BMPR1B: variants seen among roughly 807,000 people sequenced by gnomAD.
BMPR1B encodes bone morphogenetic protein receptor type-1B.
BMPR1B carries 12 observed loss-of-function variants against 59.1 expected under a neutral mutation model. The observed-to-expected ratio is 0.20, with a 90% CI of 0.13 to 0.33. The LOEUF is 0.33. Ranked by LOEUF, BMPR1B falls within the 10% of genes least tolerant of loss-of-function variation. The pLI, the probability that BMPR1B is intolerant of heterozygous loss-of-function variation, is 1.00. For synonymous variants in BMPR1B, 237 were observed against 207.3 expected, an observed-to-expected ratio of 1.14 and a Z score of -1.23; for missense variants, 550 against 610.9, an observed-to-expected ratio of 0.90 and a Z score of 1.05.
chr4:95,043,181 CAAAAAAA>C (rs751904820), intron 3 of BMPR1B, among the ~76,000 whole-genome samples: 2 of 51,454 alleles, frequency 3.9e-5, no homozygotes, highest in African/African-American at 9.1e-5. Context: ...GACTCCGTCT[CAAAAAAA>C]AAAAAAAAAA....
intron 3 of BMPR1B, among the ~76,000 whole-genome samples, chr4:95,012,913 C>T (rs1432754781): frequency 6.6e-6 from 1 of 152,014 alleles, no homozygotes; most frequent in Non-Finnish European, 1.5e-5. Context: ...AATTCTCGCT[C>T]TCATAGAAAC....
At chr4:94,881,074 A>G (rs1726950133) in intron 2 of BMPR1B, among the ~76,000 whole-genome samples, 1 of 152,142 alleles carries the variant, frequency 6.6e-6, no homozygotes, top group Non-Finnish European at 1.5e-5. Context: ...AAAATGGACA[A>G]TTTTAACCAT....
chr4:94,788,743 CT>C (rs1722848556), intron 1 of BMPR1B, among the ~76,000 whole-genome samples: 1 of 152,166 alleles, frequency 6.6e-6, no homozygotes, highest in African/African-American at 2.4e-5. Context: ...TTAGATCTGC[CT>C]TTCATAAGAG....
chr4:95,050,657 T>C (rs1423287805), intron 3 of BMPR1B, among the ~76,000 whole-genome samples: 1 of 152,158 alleles, frequency 6.6e-6, no homozygotes, highest in African/African-American at 2.4e-5. Context: ...AGTAAACATA[T>C]GATGATGATA....
In BMPR1B at chr4:95,125,706, A is replaced by G. The variant is rs113089874; in HGVS notation, c.585+585A>G. ...ATCCCTTTTGGTATTAATGAATTAG[A>G]TGCTCTTGGAATTTAAACTGAGTTC... On this transcript the variant is annotated intron_variant, in intron 8 of 12. Transcript: ENST00000515059. Among the ~76,000 whole-genome samples, 1,224 of 152,300 alleles carry G rather than the reference A, an allele frequency of 8.0e-3. 16 individuals carry two copies. Among genetic ancestry groups the G allele is most frequent in the African/African-American group, 0.027 (1,114 of 41,550 alleles).
intron 3 of BMPR1B, among the ~76,000 whole-genome samples, chr4:95,044,497 GA>G (rs1468970283): frequency 6.6e-6 from 1 of 152,180 alleles, no homozygotes; most frequent in Non-Finnish European, 1.5e-5. Context: ...GATCAACAGT[GA>G]CAGTCATATC....
chr4:94,763,579 A>G (rs1306938671), intron 1 of BMPR1B, among the ~76,000 whole-genome samples: 1 of 152,254 alleles, frequency 6.6e-6, no homozygotes, highest in African/African-American at 2.4e-5. Flanking sequence ...AAAAAAAGAT[A>G]CAATCCAGTA....
At chr4:95,126,947 G>A (rs908514906) in intron 8 of BMPR1B, among the ~76,000 whole-genome samples, 2 of 151,666 alleles carry the variant, frequency 1.3e-5, no homozygotes, top group Non-Finnish European at 2.9e-5. Context: ...GACTTTATAC[G>A]TGCCCTTTAA....
chr4:95,043,609 T>G (rs1357948685), intron 3 of BMPR1B, among the ~76,000 whole-genome samples: 1 of 152,242 alleles, frequency 6.6e-6, no homozygotes, highest in Admixed American at 6.5e-5. Flanking sequence ...AATGATATTG[T>G]AGTAGATTTA....
At chr4:94,820,568 G>A (rs1330326006) in intron 1 of BMPR1B, among the ~76,000 whole-genome samples, 9 of 152,174 alleles carry the variant, frequency 5.9e-5, no homozygotes, top group Admixed American at 2.0e-4. Flanking sequence ...ATAAAGATAT[G>A]GTAATGATTT....
intron 3 of BMPR1B, among the ~76,000 whole-genome samples, chr4:95,065,165 A>G (rs748829180): frequency 7.9e-5 from 12 of 152,194 alleles, no homozygotes; most frequent in Admixed American, 1.3e-4. Context: ...TTATTTGGCA[A>G]TAAAAAGAAT....
chr4:94,800,057 C>T (rs762443053), intron 1 of BMPR1B, among the ~76,000 whole-genome samples: 7 of 152,138 alleles, frequency 4.6e-5, no homozygotes, highest in Non-Finnish European at 1.0e-4. Flanking sequence ...TTGGGACAAG[C>T]GTTCTCTATT....
At chr4:94,935,411 G>A (rs1342165475) in intron 2 of BMPR1B, among the ~76,000 whole-genome samples, 1 of 152,184 alleles carries the variant, frequency 6.6e-6, no homozygotes, top group Non-Finnish European at 1.5e-5. Context: ...TTGTGCACAT[G>A]CCAGGCACCC....
At chr4:94,951,859 A>G (rs1729951948) in intron 2 of BMPR1B, among the ~76,000 whole-genome samples, 1 of 151,588 alleles carries the variant, frequency 6.6e-6, no homozygotes, top group African/African-American at 2.4e-5. Flanking sequence ...TACCTCTGGA[A>G]GAATTTGGCT....
chr4:94,829,264 A>G (rs6853333), intron 1 of BMPR1B, among the ~76,000 whole-genome samples: 8,765 of 151,302 alleles, frequency 0.058, 711 homozygotes, highest in African/African-American at 0.17. Context: ...ATTTATTCCA[A>G]TAGGGCATAA....
At chr4:95,064,772 C>T (rs1032859879) in intron 3 of BMPR1B, among the ~76,000 whole-genome samples, 1 of 152,072 alleles carries the variant, frequency 6.6e-6, no homozygotes, top group African/African-American at 2.4e-5. Flanking sequence ...CTGACAATCA[C>T]ATGAAAAAAT....
intron 10 of BMPR1B, among the ~76,000 whole-genome samples, chr4:95,135,536 A>C (rs919892862): frequency 4.6e-5 from 7 of 152,022 alleles, no homozygotes; most frequent in South Asian, 2.1e-4. Context: ...CTTTTATTTC[A>C]TTGAGCAGTG....
chr4:95,100,805 A>G (rs1730763352), intron 3 of BMPR1B, among the ~76,000 whole-genome samples: 1 of 152,114 alleles, frequency 6.6e-6, no homozygotes, highest in South Asian at 2.1e-4. Context: ...TTATATTTTT[A>G]AAGTTCTTTA....
intron 3 of BMPR1B, among the ~76,000 whole-genome samples, chr4:95,071,668 A>T (rs907382206): frequency 1.9e-3 from 284 of 145,692 alleles, no homozygotes; most frequent in Non-Finnish European, 2.0e-3. Flanking sequence ...ATATATATAT[A>T]TATATATATA....
Sources: gnomAD v4.1 joint callset for allele counts (sites outside exome capture counted in the v4.1 genomes callset) on GRCh38, gnomAD v4.1.1 for gene constraint, MANE v1.5 for transcripts, NCBI Gene and HGNC (gene_info 2026-07-23, HGNC 2026-07-21) for gene names.